GPC6: variants seen among roughly 807,000 people sequenced by gnomAD.
The protein encoded by GPC6 is glypican-6.
GPC6 carries 14 observed loss-of-function variants against 55.2 expected under a neutral mutation model. The observed-to-expected ratio is 0.25, with a 90% CI of 0.17 to 0.40. The LOEUF is 0.40. GPC6 is among the 10% of genes least tolerant of loss of function. The pLI, the probability that GPC6 is intolerant of heterozygous loss-of-function variation, is 1.00. For missense variants in GPC6, 641 were observed against 708.5 expected, an observed-to-expected ratio of 0.90 and a Z score of 1.08; for synonymous variants, 278 against 259.6, an observed-to-expected ratio of 1.07 and a Z score of -0.68.
chr13:93,556,845 G>A lies in GPC6; in HGVS notation c.319+11424G>A, dbSNP rs1285469049. Among the ~76,000 whole-genome samples the A allele has an allele frequency of 2.0e-5, 3 of 152,016 alleles. No homozygotes were observed. In the East Asian group the frequency reaches 5.8e-4, roughly 29 times the overall value. ...CCTGGCTTATTTCACTGAACATAAT[G>A]ATCTTCAGTTCCATCCATATTATTG... On this transcript the variant is annotated intron_variant, in intron 2 of 8. Coordinates refer to ENST00000377047, the MANE Select transcript of GPC6 (RefSeq NM_005708.5).
chr13:94,201,437 A>C (rs1240613628), intron 4 of GPC6, among the ~76,000 whole-genome samples: 1 of 152,210 alleles, frequency 6.6e-6, no homozygotes, highest in African/African-American at 2.4e-5. Context: ...TTGACGATCC[A>C]GGCCACTATT....
At chr13:93,586,786 T>G (rs1423779527) in intron 2 of GPC6, among the ~76,000 whole-genome samples, 1 of 152,240 alleles carries the variant, frequency 6.6e-6, no homozygotes, top group Non-Finnish European at 1.5e-5. Flanking sequence ...TTTCATAGTT[T>G]ATATGTCACA....
chr13:93,708,472 A>G (rs1189985329), intron 2 of GPC6, among the ~76,000 whole-genome samples: 1 of 151,710 alleles, frequency 6.6e-6, no homozygotes, highest in Non-Finnish European at 1.5e-5. Context: ...GTGTTTAGAG[A>G]TATCTTTCAG....
At chr13:93,584,278 A>AT (rs1877082487) in intron 2 of GPC6, among the ~76,000 whole-genome samples, 1 of 152,158 alleles carries the variant, frequency 6.6e-6, no homozygotes, top group East Asian at 1.9e-4. Context: ...TAATGCTGTG[A>AT]TTTTAAATGG....
chr13:94,280,359 C>T (rs558180002), intron 4 of GPC6, among the ~76,000 whole-genome samples: 6 of 152,234 alleles, frequency 3.9e-5, no homozygotes, highest in African/African-American at 1.2e-4. Flanking sequence ...GCCCTCTTTC[C>T]GGGTCATTCA....
In GPC6 at chr13:93,675,747, A is replaced by G. The variant is rs148042011; in HGVS notation, c.319+130326A>G. On this transcript the variant is annotated intron_variant, in intron 2 of 8. Transcript: ENST00000377047. ...TAACCCATTTATATGATCACTTAGA[A>G]CATATAAGAATGTTGATTACTCCAC... Among the ~76,000 whole-genome samples the G allele has an allele frequency of 4.9e-3, 753 of 152,272 alleles. 23 individuals are homozygous for G. The highest frequency in any genetic ancestry group is 0.044 in the Admixed American group (673 of 15,284).
chr13:93,503,849 C>T (rs1387168067), intron 1 of GPC6, among the ~76,000 whole-genome samples: 2 of 152,076 alleles, frequency 1.3e-5, no homozygotes, highest in African/African-American at 4.8e-5. Flanking sequence ...GAGGTTGTGA[C>T]ATTTTTGGTG....
At chr13:94,274,944 G>A (rs1173754197) in intron 4 of GPC6, among the ~76,000 whole-genome samples, 1 of 152,152 alleles carries the variant, frequency 6.6e-6, no homozygotes, top group African/African-American at 2.4e-5. Flanking sequence ...CATTTATCCT[G>A]TAGACCAGTG....
Position 93,426,923 on chromosome 13 carries a change from T to C in GPC6, c.161-118340T>C, listed in dbSNP as rs769938188. On this transcript the variant is annotated intron_variant, in intron 1 of 8. Transcript: ENST00000377047. Reference sequence around the variant, plus strand: ...TGTTGTTTCCTGACATTTTAATGATTGCCATTCTAACTGGTGTGAGATGGT... The same window carrying C: ...TGTTGTTTCCTGACATTTTAATGATCGCCATTCTAACTGGTGTGAGATGGT... 9.6e-4 allele frequency among the ~76,000 whole-genome samples: 143 copies of C among 148,212 alleles called. 1 individual carries two copies. The highest frequency in any genetic ancestry group is 1.7e-3 in the Non-Finnish European group (116 of 67,110).
At chr13:93,739,795 A>T (rs9556320) in intron 2 of GPC6, among the ~76,000 whole-genome samples, 73,018 of 152,006 alleles carry the variant, frequency 0.48, 19,576 homozygotes, top group Middle Eastern at 0.74. Flanking sequence ...TAGCGTAGGG[A>T]TTTAATCCCT....
chr13:93,454,360 C>T (rs1029774932), intron 1 of GPC6, among the ~76,000 whole-genome samples: 3 of 93,844 alleles, frequency 3.2e-5, no homozygotes, highest in Admixed American at 1.1e-4. Context: ...TAGATAGTGT[C>T]GATTGGTGCA....
chr13:93,544,081 TG>T (rs1479399471), intron 1 of GPC6, among the ~76,000 whole-genome samples: 2 of 152,022 alleles, frequency 1.3e-5, no homozygotes, highest in African/African-American at 4.8e-5. Context: ...CTTTTTTTTT[TG>T]TTGTAATTGT....
chr13:93,974,761 T>A (rs1357874791), intron 3 of GPC6, among the ~76,000 whole-genome samples: 2 of 152,176 alleles, frequency 1.3e-5, no homozygotes, highest in Non-Finnish European at 2.9e-5. Context: ...TTTCCTTATT[T>A]TTTTTTGTCA....
intron 4 of GPC6, among the ~76,000 whole-genome samples, chr13:94,135,266 A>T (rs1887145550): frequency 6.6e-6 from 1 of 152,134 alleles, no homozygotes; most frequent in African/African-American, 2.4e-5. Context: ...AAAAAAAAAA[A>T]AAAGTTAAGG....
chr13:94,001,633 G>A (rs979043609), intron 3 of GPC6, among the ~76,000 whole-genome samples: 1 of 152,120 alleles, frequency 6.6e-6, no homozygotes, highest in Non-Finnish European at 1.5e-5. Flanking sequence ...TTGGCACAAT[G>A]AAAAGTACCC....
intron 1 of GPC6, among the ~76,000 whole-genome samples, chr13:93,497,273 C>T (rs1880340145): frequency 6.6e-6 from 1 of 152,202 alleles, no homozygotes; most frequent in Non-Finnish European, 1.5e-5. Context: ...GCTAAAGTAA[C>T]ACCACTTTCT....
intron 2 of GPC6, among the ~76,000 whole-genome samples, chr13:93,800,061 C>T (rs114935410): frequency 3.3e-4 from 50 of 152,190 alleles, no homozygotes; most frequent in African/African-American, 1.1e-3. Context: ...TTACATTGAC[C>T]GTGATTGCTG....
chr13:93,553,400 G>A (rs1594260935), intron 2 of GPC6, among the ~76,000 whole-genome samples: 1 of 151,978 alleles, frequency 6.6e-6, no homozygotes, highest in East Asian at 1.9e-4. Context: ...CAGGTAGAAG[G>A]GAATGAGATG....
intron 2 of GPC6, 45 bp downstream of exon 2, chr13:93,545,466 TC>T: frequency 6.8e-7 from 1 of 1,469,490 alleles, no homozygotes; most frequent in Non-Finnish European, 9.5e-7. Context: ...GGTGCACTTT[TC>T]TATGAGAATC....
Sources: allele counts gnomAD v4.1 joint callset (sites outside exome capture counted in the v4.1 genomes callset), GRCh38; gene constraint gnomAD v4.1.1; transcripts MANE v1.5; gene names NCBI Gene and HGNC (gene_info 2026-07-23, HGNC 2026-07-21).